FBLN5: variants seen among roughly 807,000 people sequenced by gnomAD.
FBLN5 encodes fibulin-5.
FBLN5 carries 24 observed loss-of-function variants against 61.6 expected under a neutral mutation model. The ratio of observed to expected loss-of-function variants is 0.39; its 90% CI spans 0.28 to 0.55. The LOEUF (loss-of-function observed/expected upper bound fraction) is 0.55, where lower values mean the gene tolerates loss of function less well. FBLN5 is among the 20% of genes least tolerant of loss of function. FBLN5 has a pLI of 0.65. For missense variants in FBLN5, 470 were observed against 594.1 expected, an observed-to-expected ratio of 0.79 and a Z score of 2.17; for synonymous variants, 213 against 219.8, an observed-to-expected ratio of 0.97 and a Z score of 0.27.
At chr14:91,930,882 A>G (rs2055910951) in intron 4 of FBLN5, among the ~76,000 whole-genome samples, 1 of 152,214 alleles carries the variant, frequency 6.6e-6, no homozygotes, top group Admixed American at 6.5e-5. Context: ...AATGTGTACT[A>G]GGCTCAGTTT....
At chr14:91,893,314 T>A (rs1265731260) in intron 5 of FBLN5, among the ~76,000 whole-genome samples, 1 of 152,214 alleles carries the variant, frequency 6.6e-6, no homozygotes, top group Non-Finnish European at 1.5e-5. Flanking sequence ...TTCAAATAAG[T>A]AGCATCAAAT....
At chr14:91,934,314 A>G (rs2055977158) in intron 4 of FBLN5, among the ~76,000 whole-genome samples, 1 of 152,204 alleles carries the variant, frequency 6.6e-6, no homozygotes. Flanking sequence ...CAAAGCCTGA[A>G]TGGTTCAAAT....
chr14:91,878,857 AC>A (rs1258672420), intron 9 of FBLN5, among the ~76,000 whole-genome samples: 2 of 152,150 alleles, frequency 1.3e-5, no homozygotes, highest in Non-Finnish European at 2.9e-5. Context: ...TAATCCCAGC[AC>A]TTTGAAAGGC....
Position 91,937,089 on chromosome 14 carries a change from G to C in FBLN5, c.237C>G (p.Pro79=), listed in dbSNP as rs2056030180. ...IPRTNPVYRG[P]YSNPYSTPYS... is the part of the protein sequence containing the mutation. Reference sequence around the variant, plus strand: ...AGGGGGTCGAGTAGGGGTTCGAGTAGGGCCCTCGATACACAGGGTTTGTCC... The same window carrying C: ...AGGGGGTCGAGTAGGGGTTCGAGTACGGCCCTCGATACACAGGGTTTGTCC... The change falls in exon 4 of 11, where the codon CCC becomes CCG. Residue 79 remains proline, a synonymous_variant. Transcript: ENST00000342058. 6.2e-7 allele frequency: 1 copy of C among 1,613,928 alleles called. No homozygotes were observed. The highest frequency in any genetic ancestry group is 1.7e-5 in the Admixed American group (1 of 59,980).
chr14:91,909,457 A>G (rs1890827920), intron 4 of FBLN5, among the ~76,000 whole-genome samples: 1 of 152,212 alleles, frequency 6.6e-6, no homozygotes, highest in Admixed American at 6.5e-5. Flanking sequence ...AAGTTCATGT[A>G]CTGAAATTCA....
chr14:91,892,135 G>C (rs1890022353), intron 5 of FBLN5, among the ~76,000 whole-genome samples: 1 of 152,222 alleles, frequency 6.6e-6, no homozygotes, highest in Non-Finnish European at 1.5e-5. Flanking sequence ...TCCATCAATG[G>C]GGAGCCTGAT....
chr14:91,902,278 TTTG>T (rs201385589), intron 4 of FBLN5, among the ~76,000 whole-genome samples: 23 of 36,184 alleles, frequency 6.4e-4, no homozygotes, highest in Admixed American at 9.4e-4. Flanking sequence ...TGTTTGTTTG[TTTG>T]TTTTTTTTTT....
chr14:91,904,575 GC>G (rs1890597859), intron 4 of FBLN5, among the ~76,000 whole-genome samples: 1 of 152,234 alleles, frequency 6.6e-6, no homozygotes, highest in Non-Finnish European at 1.5e-5. Flanking sequence ...TAAACACGAG[GC>G]TTTTATTTCT....
At chr14:91,912,925 T>A (rs1308781232) in intron 4 of FBLN5, among the ~76,000 whole-genome samples, 1 of 151,886 alleles carries the variant, frequency 6.6e-6, no homozygotes, top group East Asian at 1.9e-4. Context: ...CTCATCAAAA[T>A]AAGAGCTGTT....
chr14:91,871,782 G>C (rs1326396472), intron 10 of FBLN5, among the ~76,000 whole-genome samples: 6 of 151,896 alleles, frequency 4.0e-5, no homozygotes, highest in South Asian at 4.2e-4. Context: ...GCTTGAACCT[G>C]GGGGGCAGAG....
At chr14:91,904,773 T>C (rs1291187490) in intron 4 of FBLN5, among the ~76,000 whole-genome samples, 1 of 152,232 alleles carries the variant, frequency 6.6e-6, no homozygotes, top group Non-Finnish European at 1.5e-5. Context: ...ACCCACCTTG[T>C]AATAACGTCA....
At position 91,881,346 on chromosome 14, in the gene FBLN5, A is replaced by G. The variant is rs1889454715; in HGVS notation, c.935T>C (p.Phe312Ser). Reference sequence around the variant, plus strand: ...ACAGCGGATGGGGTCAATGCATTTGAAGCCCCCTTGTAAATTGTAGCACGT... The same window carrying G: ...ACAGCGGATGGGGTCAATGCATTTGGAGCCCCCTTGTAAATTGTAGCACGT... The part of the protein sequence containing the change: ...QQTCYNLQGG[F>S]KCIDPIRCEE... The change falls in exon 9 of 11, where the codon TTC becomes TCC. Residue 312 changes from phenylalanine (F) to serine (S), a missense_variant. Phe to Ser is a radical substitution (Grantham distance 155, BLOSUM62 -2). Coordinates refer to ENST00000342058, the MANE Select transcript of FBLN5 (RefSeq NM_006329.4). 4 of 1,614,050 alleles carry G rather than the reference A, an allele frequency of 2.5e-6. No individual in the cohort carries two copies. Among genetic ancestry groups the G allele is most frequent in the Non-Finnish European group, 2.5e-6 (3 of 1,180,008 alleles).
intron 4 of FBLN5, among the ~76,000 whole-genome samples, chr14:91,909,579 G>T (rs1443515900): frequency 6.6e-6 from 1 of 152,034 alleles, no homozygotes; most frequent in African/African-American, 2.4e-5. Context: ...ATCAGGATGG[G>T]GCCCCCATGA....
rs1172692991 is a variant in FBLN5 at position 91,870,237 on chromosome 14, T to A, written c.1334A>T (p.Gln445Leu). The A allele has an allele frequency of 3.1e-6, 5 of 1,614,248 alleles. No individual in the cohort carries two copies. Among genetic ancestry groups the A allele is most frequent in the Non-Finnish European group, 4.2e-6 (5 of 1,180,030 alleles). The part of the protein sequence containing the change: ...SVIRLRIYVS[Q>L]YPF ...CCAGCCCGAGGCTCAGAATGGGTAC[T>A]GCGACACATATATCCGCAGTCGGAT... Residue 445 changes from glutamine to leucine, a missense_variant, in exon 11 of 11, where the codon CAG becomes CTG. By Grantham distance (113) the Gln-to-Leu change is moderately radical. Transcript: ENST00000342058.
chr14:91,891,636 C>T (rs1357862508), intron 5 of FBLN5, among the ~76,000 whole-genome samples: 2 of 152,162 alleles, frequency 1.3e-5, no homozygotes, highest in Non-Finnish European at 2.9e-5. Context: ...AAAATGAGCT[C>T]TCCAATTTTA....
intron 4 of FBLN5, among the ~76,000 whole-genome samples, chr14:91,912,414 G>A (rs1008314779): frequency 1.3e-5 from 2 of 152,176 alleles, no homozygotes; most frequent in Admixed American, 1.3e-4. Flanking sequence ...GGAGACCGAG[G>A]TGGGCAGATC....
At chr14:91,909,281 C>G (rs1284820693) in intron 4 of FBLN5, among the ~76,000 whole-genome samples, 1 of 152,138 alleles carries the variant, frequency 6.6e-6, no homozygotes, top group Non-Finnish European at 1.5e-5. Context: ...CACAGAAACA[C>G]TAGCCTAGCC....
chr14:91,947,134 A>G lies in FBLN5; in HGVS notation c.17+79T>C. On this transcript the variant is annotated intron_variant, in intron 1 of 10. Coordinates refer to ENST00000342058, the MANE Select transcript of FBLN5 (RefSeq NM_006329.4). This position sits in a 1 kb window ranked among gnomAD's most constrained non-coding sequence, Gnocchi z 4.3. ...TCCTGACACCGCCTGAATCGCAGCC[A>G]TAACCATTTTCCACCCATCGGATTT... The G allele has an allele frequency of 1.9e-6, 3 of 1,602,424 alleles. No homozygotes were observed. The highest frequency in any genetic ancestry group is 2.7e-5 in the African/African-American group (2 of 74,790).
At chr14:91,899,468 G>A (rs1890368928) in intron 4 of FBLN5, among the ~76,000 whole-genome samples, 1 of 152,214 alleles carries the variant, frequency 6.6e-6, no homozygotes, top group Non-Finnish European at 1.5e-5. Context: ...CCAGGAAGAA[G>A]TCGTCATCTG....
Sources: allele counts gnomAD v4.1 joint callset (sites outside exome capture counted in the v4.1 genomes callset), GRCh38; gene constraint gnomAD v4.1.1; non-coding constraint Gnocchi (gnomAD v3.1); transcripts MANE v1.5; gene names NCBI Gene and HGNC (gene_info 2026-07-23, HGNC 2026-07-21).